The following PRH1 variants were observed in gnomAD, a reference collection of about 807,000 sequenced individuals.
The protein encoded by PRH1 is salivary acidic proline-rich phosphoprotein 1/2.
In PRH1, 7 loss-of-function variants were observed where a neutral mutation model predicts 7.9. That is an observed-to-expected ratio of 0.89 (90% CI 0.50 to 1.67). The LOEUF is 1.67. Ranked by LOEUF, PRH1 falls within the 40% of genes most tolerant of loss-of-function variation. PRH1 has a pLI of 0.00. For synonymous variants in PRH1, 45 were observed against 80.8 expected (o/e 0.56, Z 2.38); for missense variants, 109 against 223.6 (o/e 0.49, Z 3.27).
Position 11,150,409 on chromosome 12 carries a change from T to G in PRH1, n.39+21013A>C, listed in dbSNP as rs576733533. On this transcript the variant is annotated intron_variant and non_coding_transcript_variant, in intron 1 of 1. Transcript: ENST00000541175. ...AGCACTATTCACAATAGCAAAGACT[T>G]GGAACCAATCCAAATGTCCAACAAT... Among the ~76,000 whole-genome samples the G allele has an allele frequency of 3.9e-3, 595 of 152,156 alleles. 1 individual carries two copies. Among genetic ancestry groups the G allele is most frequent in the African/African-American group, 0.014 (565 of 41,496 alleles).
At chr12:10,960,391 C>T (rs1427298539) in intron 2 of PRH1, among the ~76,000 whole-genome samples, 1 of 152,224 alleles carries the variant, frequency 6.6e-6, no homozygotes, top group African/African-American at 2.4e-5. Context: ...GATGGATTAT[C>T]AGATGAATGC....
At chr12:10,943,923 G>T (rs1227385225) in intron 2 of PRH1, among the ~76,000 whole-genome samples, 1 of 152,074 alleles carries the variant, frequency 6.6e-6, no homozygotes, top group Non-Finnish European at 1.5e-5. Flanking sequence ...TGTTCCATTG[G>T]TGTATGTACC....
At chr12:11,047,104 G>A in exon 1 of PRH1, 1 of 470,104 alleles carries the variant, frequency 2.1e-6, no homozygotes, top group Non-Finnish European at 4.5e-6. Flanking sequence ...TCACAGAACT[G>A]ACACAGAAGA....
chr12:11,158,729 C>T (rs1322864156), intron 1 of PRH1: 1 of 61,756 alleles, frequency 1.6e-5, no homozygotes, highest in Non-Finnish European at 5.1e-5. Flanking sequence ...CTTATGAGGT[C>T]TTCTATTAAG....
chr12:11,007,266 A>G (rs188964522), intron 1 of PRH1, among the ~76,000 whole-genome samples: 30 of 152,248 alleles, frequency 2.0e-4, no homozygotes, highest in East Asian at 5.8e-4. Flanking sequence ...CAATACTTTT[A>G]TATGACTTTA....
At chr12:11,125,702 C>T (rs945670863) in intron 1 of PRH1, among the ~76,000 whole-genome samples, 27 of 115,838 alleles carry the variant, frequency 2.3e-4, no homozygotes, top group African/African-American at 7.2e-4. Context: ...TATTTAATAT[C>T]GATATTACTA....
chr12:10,995,450 T>C (rs993649391), intron 1 of PRH1, among the ~76,000 whole-genome samples: 2 of 152,186 alleles, frequency 1.3e-5, no homozygotes, highest in African/African-American at 2.4e-5. Flanking sequence ...AACTAGGTTA[T>C]ACATTTTCTT....
At chr12:10,910,283 T>C (rs1244129169) in intron 2 of PRH1, among the ~76,000 whole-genome samples, 4 of 152,032 alleles carry the variant, frequency 2.6e-5, no homozygotes, top group Non-Finnish European at 2.9e-5. Flanking sequence ...AGTAAAAGAT[T>C]ACAAAAATAA....
chr12:10,995,171 A>G (rs1940156813), intron 1 of PRH1, among the ~76,000 whole-genome samples: 1 of 152,204 alleles, frequency 6.6e-6, no homozygotes, highest in Admixed American at 6.5e-5. Flanking sequence ...CCACCCCAAT[A>G]TAGTTCATAT....
At chr12:11,030,208 A>G (rs1256033576) in intron 1 of PRH1, among the ~76,000 whole-genome samples, 1 of 127,820 alleles carries the variant, frequency 7.8e-6, no homozygotes, top group Non-Finnish European at 1.6e-5. Context: ...AATGTTCTTA[A>G]GTTTTCATAC....
intron 2 of PRH1, among the ~76,000 whole-genome samples, chr12:10,972,928 A>ATCCCC (rs1555119295): frequency 4.0e-5 from 4 of 100,326 alleles, no homozygotes; most frequent in African/African-American, 1.5e-4. Context: ...AAGCACCACA[A>ATCCCC]CCCACCCCCC....
At chr12:11,071,116 T>C (rs79364364) in intron 1 of PRH1, among the ~76,000 whole-genome samples, 4 of 148,436 alleles carry the variant, frequency 2.7e-5, no homozygotes, top group Non-Finnish European at 6.0e-5. Context: ...TTTCTAACTA[T>C]GTGCTCCGAG....
intron 1 of PRH1, chr12:10,986,103 C>T (rs754842690): frequency 6.2e-7 from 1 of 1,613,988 alleles, no homozygotes; most frequent in South Asian, 1.1e-5. Context: ...CCGCAGCCTC[C>T]TAGGACTCCA....
At chr12:10,962,477 CTA>C (rs1490292328) in intron 2 of PRH1, among the ~76,000 whole-genome samples, 1 of 152,148 alleles carries the variant, frequency 6.6e-6, no homozygotes, top group Non-Finnish European at 1.5e-5. Flanking sequence ...TGCATCAAGG[CTA>C]TATATAGCGA....
intron 1 of PRH1, chr12:11,133,510 C>G (rs761837405): frequency 6.3e-7 from 1 of 1,596,572 alleles, no homozygotes; most frequent in Admixed American, 1.7e-5. Flanking sequence ...CTGATATGAT[C>G]ATGGACAGAA....
intron 1 of PRH1, among the ~76,000 whole-genome samples, chr12:10,982,548 G>A (rs1193998491): frequency 2.6e-5 from 4 of 152,090 alleles, no homozygotes; most frequent in African/African-American, 4.8e-5. Flanking sequence ...GCTTTGGTGT[G>A]GTAAAAACAA....
chr12:10,882,375 G>A lies in PRH1; in HGVS notation c.424C>T (p.Pro142Ser). 6 of 1,603,288 alleles carry A rather than the reference G, an allele frequency of 3.7e-6. No individual in the cohort carries two copies. The highest frequency in any genetic ancestry group is 5.1e-6 in the Non-Finnish European group (6 of 1,173,754). Reference sequence around the variant, plus strand: ...GGTGGTCCTTGTGGCCTTCCTCGAGGAGGACGGGGATGGCCTCCCTGTTGG... The same window carrying A: ...GGTGGTCCTTGTGGCCTTCCTCGAGAAGGACGGGGATGGCCTCCCTGTTGG... ...PPQQGGHPRPPRGRPQGPPQQ... is the reference protein window; with the variant it reads ...PPQQGGHPRPSRGRPQGPPQQ... Residue 142 changes from proline to serine, a missense_variant, in exon 3 of 4, where the codon CCT becomes TCT. Transcript: ENST00000543626.
rs1251876957 is a variant in PRH1 at position 11,088,028 on chromosome 12, C to T, written n.124-40840G>A. 3.9e-4 allele frequency among the ~76,000 whole-genome samples: 48 copies of T among 122,412 alleles called. 2 individuals are homozygous for T. The highest frequency in any genetic ancestry group is 1.3e-3 in the African/African-American group (45 of 35,950). 80.3% of individuals were successfully genotyped at this position (122,412 alleles called of 152,430 possible). A position where few individuals can be genotyped will look rare whatever the true frequency, so the allele number is the denominator to read the frequency against. Reference sequence around the variant, plus strand: ...GTTTAATTTACATTTTTTAAAACATCGTGATTATTTAATATATTAATAATA... The same window carrying T: ...GTTTAATTTACATTTTTTAAAACATTGTGATTATTTAATATATTAATAATA... On this transcript the variant is annotated intron_variant and non_coding_transcript_variant, in intron 1 of 4. Transcript: ENST00000541977.
chr12:10,910,357 C>T (rs184947040), intron 2 of PRH1, among the ~76,000 whole-genome samples: 4 of 152,278 alleles, frequency 2.6e-5, no homozygotes, highest in African/African-American at 9.6e-5. Flanking sequence ...GGTTGTGGCT[C>T]ATCCCTGTAA....
Sources: allele counts gnomAD v4.1 joint callset (sites outside exome capture counted in the v4.1 genomes callset), GRCh38; gene constraint gnomAD v4.1.1; transcripts MANE v1.5; gene names NCBI Gene and HGNC (gene_info 2026-07-23, HGNC 2026-07-21).